NPHP3: variants seen among roughly 807,000 people sequenced by gnomAD.
NPHP3 encodes nephrocystin-3.
Under a neutral mutation model 171.9 loss-of-function variants are expected in NPHP3, and 123 were observed. The observed-to-expected ratio is 0.72, with a 90% confidence interval of 0.62 to 0.83. NPHP3 has a LOEUF of 0.83. Ranked by LOEUF, NPHP3 falls within the 40% of genes least tolerant of loss-of-function variation. NPHP3 has a pLI of 0.00. For missense variants in NPHP3, 1,506 were observed against 1,591.9 expected (o/e 0.95, Z 0.92); for synonymous variants, 558 against 579.2 (o/e 0.96, Z 0.52).
At chr3:132,686,658 A>T (rs540446344) in intron 22 of NPHP3, among the ~76,000 whole-genome samples, 4 of 152,208 alleles carry the variant, frequency 2.6e-5, no homozygotes, top group Non-Finnish European at 4.4e-5. Context: ...GAAATAATAG[A>T]ATATAATTAA....
Position 132,689,124 on chromosome 3 carries a change from G to C in NPHP3, c.2833C>G (p.Leu945Val), listed in dbSNP as rs553037540. 5.0e-6 allele frequency: 8 copies of C among 1,614,126 alleles called. No individual in the cohort carries two copies. The African/African-American group carries it at 1.1e-4, about 22-fold the overall frequency. Residue 945 changes from leucine to valine, a missense_variant, in exon 20 of 27, where the codon CTT (leucine) becomes GTT (valine). Transcript: ENST00000337331. ...GEDNMSCLADLYETLGRFLKD... is the reference protein window; with the variant it reads ...GEDNMSCLADVYETLGRFLKD... ...AGAAATCGCCCCAAGGTTTCATAAA[G>C]ATCAGCTAAGCAACTCATGTTGTCC...
intron 10 of NPHP3, among the ~76,000 whole-genome samples, chr3:132,701,045 G>T (rs367809119): frequency 1.3e-5 from 2 of 151,946 alleles, no homozygotes; most frequent in African/African-American, 4.8e-5. Flanking sequence ...TGCTTTTGTC[G>T]TTTCAAATAT....
intron 6 of NPHP3, 36 bp downstream of exon 6, chr3:132,713,090 A>G: frequency 8.6e-7 from 1 of 1,164,114 alleles, no homozygotes; most frequent in Non-Finnish European, 1.2e-6. Context: ...TTTACAGTTT[A>G]CTGCTTATAA....
intron 21 of NPHP3, 39 bp from the exon 22 acceptor site, chr3:132,687,265 T>G: frequency 1.1e-6 from 1 of 895,374 alleles, no homozygotes; most frequent in Non-Finnish European, 1.8e-6. Context: ...AAAAGAAACA[T>G]ATTCAAAGTA....
chr3:132,701,667 C>A, intron 9 of NPHP3, 134 bp from the exon 10 acceptor site: 1 of 673,454 alleles, frequency 1.5e-6, no homozygotes, highest in Non-Finnish European at 2.6e-6. Context: ...TTAGTGACAG[C>A]ACCCTCATAA....
At chr3:132,701,782 G>A (rs935204188) in intron 9 of NPHP3, among the ~76,000 whole-genome samples, 2 of 152,210 alleles carry the variant, frequency 1.3e-5, no homozygotes, top group Non-Finnish European at 2.9e-5. Context: ...CAGCACTTTG[G>A]GAGGCTGAGG....
intron 17 of NPHP3, 39 bp from the exon 18 acceptor site, chr3:132,691,325 G>C: frequency 7.5e-7 from 1 of 1,334,180 alleles, no homozygotes; most frequent in Non-Finnish European, 1.1e-6. Flanking sequence ...TCTATTTCAC[G>C]TAAGTCACTG....
At chr3:132,689,603 AT>A (rs955030793) in intron 19 of NPHP3, among the ~76,000 whole-genome samples, 4 of 152,212 alleles carry the variant, frequency 2.6e-5, no homozygotes, top group Non-Finnish European at 5.9e-5. Flanking sequence ...ACCAATGGGA[AT>A]CTATCTGAAT....
At chr3:132,718,034 A>G (rs1004683837) in intron 3 of NPHP3, 7 of 445,024 alleles carry the variant, frequency 1.6e-5, no homozygotes, top group Non-Finnish European at 2.7e-5. Context: ...TATTACAGGC[A>G]TAAGCCACCG....
At chr3:132,704,527 C>CA (rs1468350119) in intron 8 of NPHP3, among the ~76,000 whole-genome samples, 156 bp from the exon 9 acceptor site, 21 of 151,582 alleles carry the variant, frequency 1.4e-4, no homozygotes, top group African/African-American at 5.1e-4. Flanking sequence ...CTGATAACTA[C>CA]AAAAAAATCA....
At chr3:132,684,074 A>G (rs1576660052) in intron 24 of NPHP3, among the ~76,000 whole-genome samples, 1 of 152,350 alleles carries the variant, frequency 6.6e-6, no homozygotes, top group East Asian at 1.9e-4. Flanking sequence ...AATCCCAAAT[A>G]TCACTCAGTA....
chr3:132,697,010 T>A (rs1233290060), intron 14 of NPHP3, among the ~76,000 whole-genome samples, 197 bp from the exon 15 acceptor site: 1 of 152,224 alleles, frequency 6.6e-6, no homozygotes, highest in East Asian at 1.9e-4. Context: ...ATGGCCAGTA[T>A]GAAAATGCTC....
chr3:132,687,106 T>C (rs1479707297), intron 22 of NPHP3, 45 bp downstream of exon 22: 3 of 970,228 alleles, frequency 3.1e-6, no homozygotes, highest in Non-Finnish European at 5.0e-6. Context: ...TGATGCTCTT[T>C]TCCTCTTACG....
intron 18 of NPHP3, 39 bp from the exon 19 acceptor site, chr3:132,690,689 C>T: frequency 6.2e-7 from 1 of 1,608,302 alleles, no homozygotes; most frequent in South Asian, 1.1e-5. Flanking sequence ...TATCTTCCTA[C>T]AATGAGACTG....
intron 6 of NPHP3, among the ~76,000 whole-genome samples, chr3:132,709,684 G>C (rs749219583): frequency 2.0e-5 from 3 of 152,010 alleles, no homozygotes; most frequent in African/African-American, 4.8e-5. Context: ...ATGTTTTTGT[G>C]GGGGGTGTGT....
intron 5 of NPHP3, 140 bp from the exon 6 acceptor site, chr3:132,713,426 C>T (rs888378803): frequency 6.0e-6 from 3 of 498,192 alleles, no homozygotes; most frequent in Non-Finnish European, 6.8e-6. Flanking sequence ...AAAATAATCA[C>T]ATTTTAAAGA....
intron 17 of NPHP3, among the ~76,000 whole-genome samples, chr3:132,692,164 G>A (rs887035458): frequency 3.3e-5 from 5 of 152,184 alleles, no homozygotes; most frequent in African/African-American, 4.8e-5. Context: ...TAGCCTGGGA[G>A]CAATAGGCCA....
intron 21 of NPHP3, 148 bp from the exon 22 acceptor site, chr3:132,687,374 A>C: frequency 1.8e-6 from 1 of 563,054 alleles, no homozygotes; most frequent in Non-Finnish European, 3.2e-6. Context: ...GACATTAAGA[A>C]TCTCTAAAAA....
chr3:132,694,697 T>C, intron 16 of NPHP3, 130 bp downstream of exon 16: 2 of 965,006 alleles, frequency 2.1e-6, no homozygotes, highest in Non-Finnish European at 3.2e-6. Flanking sequence ...AAGCACACTA[T>C]GGCTATCAGC....
Sources: gnomAD v4.1 joint callset for allele counts (sites outside exome capture counted in the v4.1 genomes callset) on GRCh38, gnomAD v4.1.1 for gene constraint, MANE v1.5 for transcripts, NCBI Gene and HGNC (gene_info 2026-07-23, HGNC 2026-07-21) for gene names.